The following DYNC2H1 variants were observed in gnomAD, a reference collection of about 807,000 sequenced individuals.
The protein encoded by DYNC2H1 is cytoplasmic dynein 2 heavy chain 1.
A neutral mutation model predicts 570.0 loss-of-function variants in DYNC2H1; 410 were observed. The observed-to-expected ratio is 0.72, with a 90% CI of 0.66 to 0.78. The LOEUF is 0.78. Among genes scored for constraint, DYNC2H1 ranks in the 30% least tolerant of loss-of-function variants. The pLI, the probability that DYNC2H1 is intolerant of heterozygous loss-of-function variation, is 0.00. For missense variants in DYNC2H1, 4,865 were observed against 5,046.4 expected, an observed-to-expected ratio of 0.96 and a Z score of 1.09; for synonymous variants, 1,688 against 1,677.6, an observed-to-expected ratio of 1.01 and a Z score of -0.15.
chr11:103,176,325 TA>T lies in DYNC2H1; in HGVS notation c.5769del (p.Asp1924MetfsTer8). ...FTDCTRFDALIKDVFPGIELK... is the reference protein window; with the variant it reads ...FTDCTRFDALXKDVFPGIELK... ...GATTGCACCCGGTTTGATGCACTGATAAAAGATGTCTTTCCGGGAATTGAAT... is the reference window on the plus strand; with the variant it reads ...GATTGCACCCGGTTTGATGCACTGATAAAGATGTCTTTCCGGGAATTGAAT... On this transcript the variant is annotated frameshift_variant, in exon 37 of 89. Transcript: ENST00000375735. LOFTEE classifies it high-confidence loss of function. 2 of 1,572,716 alleles carry T rather than the reference TA, an allele frequency of 1.3e-6. No individual in the cohort carries two copies. The highest frequency in any genetic ancestry group is 1.7e-6 in the Non-Finnish European group (2 of 1,158,680).
intron 47 of DYNC2H1, among the ~76,000 whole-genome samples, chr11:103,194,871 C>T (rs1185562838): frequency 6.6e-6 from 1 of 152,120 alleles, no homozygotes; most frequent in Non-Finnish European, 1.5e-5. Flanking sequence ...GCGTGCACCA[C>T]CTCGCCCAGC....
intron 81 of DYNC2H1, among the ~76,000 whole-genome samples, chr11:103,323,367 C>T (rs538401209): frequency 6.6e-6 from 1 of 152,100 alleles, no homozygotes; most frequent in South Asian, 2.1e-4. Flanking sequence ...TGAAGACTAA[C>T]TGGAATTGCT....
intron 1 of DYNC2H1, among the ~76,000 whole-genome samples, chr11:103,110,482 A>T (rs1283260642): frequency 6.6e-6 from 1 of 151,228 alleles, no homozygotes; most frequent in Non-Finnish European, 1.5e-5. Flanking sequence ...TGCCCAAGGG[A>T]AAGATTAGTT....
chr11:103,376,989 G>A (rs963463944), intron 83 of DYNC2H1, among the ~76,000 whole-genome samples: 1 of 152,146 alleles, frequency 6.6e-6, no homozygotes, highest in African/African-American at 2.4e-5. Context: ...TGTGAAATCT[G>A]ACTGTCTAGT....
chr11:103,221,603 A>G (rs1185739612), intron 57 of DYNC2H1, among the ~76,000 whole-genome samples: 2 of 152,154 alleles, frequency 1.3e-5, no homozygotes, highest in African/African-American at 2.4e-5. Flanking sequence ...AGCTGGGCAC[A>G]CCTGTAATCC....
At chr11:103,331,466 G>A (rs112572095) in intron 82 of DYNC2H1, among the ~76,000 whole-genome samples, 2,307 of 152,238 alleles carry the variant, frequency 0.015, 30 homozygotes, top group Middle Eastern at 0.068. Context: ...TATCTTCAGA[G>A]GAATTTGAAA....
rs151109189 is a variant in DYNC2H1, at chr11:103,149,520, G to T, written c.2946+903G>T. On this transcript the variant is annotated intron_variant, in intron 20 of 88. Coordinates refer to ENST00000375735, the MANE Select transcript of DYNC2H1 (RefSeq NM_001377.3). ...AAGGTGAATAAAATAACATACCACT[G>T]CAGTGGAAAGAATTACAGACTTTTA... 6.5e-3 allele frequency among the ~76,000 whole-genome samples: 996 copies of T among 152,260 alleles called. 10 individuals are homozygous for T. The highest frequency in any genetic ancestry group is 0.022 in the African/African-American group (922 of 41,554).
chr11:103,247,823 G>T (rs775130888), intron 65 of DYNC2H1, among the ~76,000 whole-genome samples: 1 of 151,952 alleles, frequency 6.6e-6, no homozygotes, highest in Non-Finnish European at 1.5e-5. Context: ...TTGTACCTGT[G>T]GTTAGTTGAT....
At position 103,121,437 on chromosome 11, in the gene DYNC2H1, G is replaced by A; in HGVS notation, c.1426G>A (p.Gly476Ser). Residue 476 changes from glycine (G) to serine (S), a missense_variant, in exon 10 of 89, where the codon GGC becomes AGC. Coordinates refer to ENST00000375735, the MANE Select transcript of DYNC2H1 (RefSeq NM_001377.3). Reference sequence around the variant, plus strand: ...TGGTGATGCATCTGGACCACTTTCTGGCAAAAATCTTTCAGAAGTTGTCAA... The same window carrying A: ...TGGTGATGCATCTGGACCACTTTCTAGCAAAAATCTTTCAGAAGTTGTCAA... ...IPGDASGPLS[G>S]KNLSEVVNSI... is the part of the protein sequence containing the mutation. 1 of 1,613,404 alleles carries A rather than the reference G, an allele frequency of 6.2e-7. No individual in the cohort carries two copies. Among genetic ancestry groups the A allele is most frequent in the Non-Finnish European group, 8.5e-7 (1 of 1,179,604 alleles).
intron 85 of DYNC2H1, among the ~76,000 whole-genome samples, chr11:103,445,817 A>T (rs1238866950): frequency 6.6e-6 from 1 of 151,922 alleles, no homozygotes; most frequent in Admixed American, 6.6e-5. Context: ...ATGCCCGGCT[A>T]ATTTTTTTGT....
chr11:103,317,489 C>G (rs313410), intron 80 of DYNC2H1, among the ~76,000 whole-genome samples: 24,914 of 152,104 alleles, frequency 0.16, 2,414 homozygotes, highest in African/African-American at 0.26. Context: ...TAATTTCTTA[C>G]CTGGTCTTCT....
At chr11:103,397,780 A>G (rs1942459305) in intron 83 of DYNC2H1, among the ~76,000 whole-genome samples, 1 of 152,148 alleles carries the variant, frequency 6.6e-6, no homozygotes, top group African/African-American at 2.4e-5. Context: ...CTGTATTCCT[A>G]GCTACTCAGG....
At chr11:103,427,105 G>A (rs1591738592) in intron 84 of DYNC2H1, among the ~76,000 whole-genome samples, 3 of 151,850 alleles carry the variant, frequency 2.0e-5, no homozygotes, top group African/African-American at 7.3e-5. Flanking sequence ...ATGTATGTTT[G>A]GTTAAAATTT....
intron 29 of DYNC2H1, among the ~76,000 whole-genome samples, 200 bp downstream of exon 29, chr11:103,161,244 T>C (rs1032751989): frequency 6.6e-6 from 1 of 152,106 alleles, no homozygotes; most frequent in East Asian, 1.9e-4. Flanking sequence ...TTGTAGTCTT[T>C]GGAAGGCAGC....
Position 103,114,101 on chromosome 11 carries a change from A to G in DYNC2H1, c.367-2A>G, listed in dbSNP as rs1291197898. On this transcript the variant is annotated splice_acceptor_variant, in intron 2 of 88. Transcript: ENST00000375735. LOFTEE classifies it high-confidence loss of function. ...TGGTTGCTCTTGTCTGTTTTTATTT[A>G]GGATCAGGAATGGAGCAGAAACTTT... 1.2e-6 allele frequency: 2 copies of G among 1,608,820 alleles called. No homozygotes were observed. The highest frequency in any genetic ancestry group is 1.7e-6 in the Non-Finnish European group (2 of 1,177,382).
chr11:103,401,239 T>G (rs966101792), intron 84 of DYNC2H1, among the ~76,000 whole-genome samples: 3 of 152,212 alleles, frequency 2.0e-5, no homozygotes, highest in Non-Finnish European at 4.4e-5. Flanking sequence ...TGTCCTGTTG[T>G]CATAATAAAT....
intron 61 of DYNC2H1, 54 bp from the exon 62 acceptor site, chr11:103,235,618 T>C: frequency 6.8e-7 from 1 of 1,467,592 alleles, no homozygotes; most frequent in Non-Finnish European, 9.1e-7. Context: ...TCATTTTCTT[T>C]AATGTTAGAA....
At chr11:103,456,655 C>T (rs1372954668) in intron 87 of DYNC2H1, among the ~76,000 whole-genome samples, 3 of 152,038 alleles carry the variant, frequency 2.0e-5, no homozygotes, top group African/African-American at 7.2e-5. Context: ...AAAATTGAAC[C>T]TAATATTTAC....
chr11:103,302,959 T>C (rs1021497040), intron 75 of DYNC2H1, 134 bp from the exon 76 acceptor site: 8 of 597,010 alleles, frequency 1.3e-5, no homozygotes, highest in African/African-American at 1.2e-4. Flanking sequence ...TATTTTAGAG[T>C]AGAAAAACTT....
Sources: gnomAD v4.1 joint callset for allele counts (sites outside exome capture counted in the v4.1 genomes callset) on GRCh38, gnomAD v4.1.1 for gene constraint, MANE v1.5 for transcripts, NCBI Gene and HGNC (gene_info 2026-07-23, HGNC 2026-07-21) for gene names.